CYTL1: variants seen among roughly 807,000 people sequenced by gnomAD.
The protein encoded by CYTL1 is cytokine-like protein 1.
In CYTL1, 17 loss-of-function variants were observed where a neutral mutation model predicts 13.1. The ratio of observed to expected loss-of-function variants is 1.29; its 90% confidence interval spans 0.89 to 1.94. CYTL1 has a LOEUF of 1.94. CYTL1 is among the 30% of genes most tolerant of loss of function. The probability of loss-of-function intolerance (pLI) is 0.00; values close to 1 mark genes in which losing one functional copy is unlikely to be tolerated. For synonymous variants in CYTL1, 91 were observed against 79.4 expected (o/e 1.15, Z -0.78); for missense variants, 213 against 174.8 (o/e 1.22, Z -1.23).
In CYTL1 at chr4:5,014,857, A is replaced by G; in HGVS notation, c.*294T>C. The G allele has an allele frequency of 8.1e-6, 3 of 369,770 alleles. No homozygotes were observed. In the South Asian group the frequency reaches 9.2e-5, roughly 11 times the overall value. 22.9% of individuals were successfully genotyped at this position (369,770 alleles called of 1,614,324 possible). On this transcript the variant is annotated 3_prime_UTR_variant, in exon 4 of 4. Transcript: ENST00000307746. ...AAGTTCTCAAAATAGTTGTTCATAA[A>G]AGTGAAGCTTGTTAGTCCTTTTCTT...
At chr4:5,019,159 C>A (rs919574452) in intron 1 of CYTL1, 134 bp downstream of exon 1, 1 of 801,018 alleles carries the variant, frequency 1.2e-6, no homozygotes, top group African/African-American at 1.8e-5. Context: ...AACACAAATA[C>A]TCCTGAGATT....
chr4:5,018,641 A>G (rs28495769), intron 1 of CYTL1, among the ~76,000 whole-genome samples: 23,570 of 152,226 alleles, frequency 0.15, 1,951 homozygotes, highest in Middle Eastern at 0.23. Flanking sequence ...GAGTCCCCAG[A>G]TCTGCCTCTG....
At chr4:5,017,984 T>C (rs1308863824) in intron 1 of CYTL1, among the ~76,000 whole-genome samples, 1 of 152,218 alleles carries the variant, frequency 6.6e-6, no homozygotes, top group East Asian at 1.9e-4. Flanking sequence ...TTCCACTTTC[T>C]TCCCGCTCTG....
intron 3 of CYTL1, among the ~76,000 whole-genome samples, chr4:5,016,439 C>T (rs768305353): frequency 7.2e-5 from 11 of 152,212 alleles, no homozygotes; most frequent in Admixed American, 3.9e-4. Flanking sequence ...TCACATGCCT[C>T]TACTTTCCAC....
rs1189276982 is a variant in CYTL1, at chr4:5,019,415, G to A, written c.31C>T (p.Leu11=). 3 of 1,485,002 alleles carry A rather than the reference G, an allele frequency of 2.0e-6. No homozygotes were observed. Among genetic ancestry groups the A allele is most frequent in the African/African-American group, 2.9e-5 (2 of 68,006 alleles). 92.0% of individuals were successfully genotyped at this position (1,485,002 alleles called of 1,614,324 possible). Residue 11 remains leucine, a synonymous_variant, in exon 1 of 4, where the codon CTG becomes TTG. Transcript: ENST00000307746. ...GCGGGGGCTCCCGCCAGGAGCAGCA[G>A]CAGCACGGGCAGAGGCCCAGGCGTC... MRTPGPLPVL[L]LLLAGAPAAR... is the part of the protein sequence containing the mutation.
At chr4:5,018,295 T>A (rs1028117017) in intron 1 of CYTL1, among the ~76,000 whole-genome samples, 1 of 152,218 alleles carries the variant, frequency 6.6e-6, no homozygotes, top group African/African-American at 2.4e-5. Flanking sequence ...CGGCAGCAGC[T>A]ACCTCTAGGT....
chr4:5,015,280 C>A, intron 3 of CYTL1, 46 bp from the exon 4 acceptor site: 2 of 1,487,038 alleles, frequency 1.3e-6, no homozygotes, highest in Non-Finnish European at 1.9e-6. Context: ...AAGGTGGTCA[C>A]GGAGTCCATA....
chr4:5,017,231 A>G (rs367939658), intron 1 of CYTL1, 52 bp from the exon 2 acceptor site: 1 of 1,584,630 alleles, frequency 6.3e-7, no homozygotes, highest in Non-Finnish European at 8.6e-7. Context: ...ATACCTGGTC[A>G]CAAAAGTCTC....
chr4:5,018,778 G>A (rs1158440365), intron 1 of CYTL1, among the ~76,000 whole-genome samples: 1 of 152,200 alleles, frequency 6.6e-6, no homozygotes, highest in East Asian at 1.9e-4. Context: ...GGGTGCTACT[G>A]TCATCCCATT....
chr4:5,014,984 G>T lies in CYTL1; in HGVS notation c.*167C>A, dbSNP rs183945972. The stretch of plus-strand genomic sequence containing the variant: ...GTTGCTAACTCTATGCTCAAAGGAG[G>T]TTCCTGGGTAGGAATACCAGCCCTG... On this transcript the variant is annotated 3_prime_UTR_variant, in exon 4 of 4. Transcript: ENST00000307746. The T allele has an allele frequency of 2.6e-3, 1,732 of 663,990 alleles. 1 individual carries two copies. Among genetic ancestry groups the T allele is most frequent in the Non-Finnish European group, 4.0e-3 (1,496 of 372,074 alleles). 41.1% of individuals were successfully genotyped at this position (663,990 alleles called of 1,614,324 possible).
At position 5,015,231 on chromosome 4, in the gene CYTL1, A is replaced by C; in HGVS notation, c.331T>G (p.Leu111Val). The C allele has an allele frequency of 5.6e-6, 9 of 1,612,204 alleles. No individual in the cohort carries two copies. The highest frequency in any genetic ancestry group is 6.8e-6 in the Non-Finnish European group (8 of 1,179,010). ...TTGCAGTCATCCAACAGGAATACCAAATCCTGAAAAAGATGTGCAATGAGC... is the reference window on the plus strand; with the variant it reads ...TTGCAGTCATCCAACAGGAATACCACATCCTGAAAAAGATGTGCAATGAGC... ...TIMNSFCRRDLVFLLDDCNAL... is the reference protein window; with the variant it reads ...TIMNSFCRRDVVFLLDDCNAL... Residue 111 changes from leucine to valine, a missense_variant, in exon 4 of 4, where the codon TTG (leucine) becomes GTG (valine). Transcript: ENST00000307746.
At chr4:5,017,799 T>G (rs1282885420) in intron 1 of CYTL1, among the ~76,000 whole-genome samples, 1 of 152,168 alleles carries the variant, frequency 6.6e-6, no homozygotes, top group Non-Finnish European at 1.5e-5. Context: ...TATAGTAATA[T>G]CGAAGTGCAT....
chr4:5,014,935 T>C lies in CYTL1; in HGVS notation c.*216A>G, dbSNP rs1741035993. The C allele has an allele frequency of 1.8e-6, 1 of 550,488 alleles. No homozygotes were observed. The highest frequency in any genetic ancestry group is 3.2e-6 in the Non-Finnish European group (1 of 308,946). 34.1% of individuals were successfully genotyped at this position (550,488 alleles called of 1,614,324 possible). On this transcript the variant is annotated 3_prime_UTR_variant, in exon 4 of 4. Transcript: ENST00000307746. ...TGTATCTAACCATCCTGGCAAGACA[T>C]GAGTCAAGGGAATGAGAAGCATGGT...
intron 1 of CYTL1, among the ~76,000 whole-genome samples, chr4:5,017,463 T>C (rs1339551851): frequency 6.6e-6 from 1 of 152,176 alleles, no homozygotes; most frequent in African/African-American, 2.4e-5. Context: ...TACACGTATA[T>C]ACATAAAAGC....
chr4:5,018,442 G>A (rs1277895848), intron 1 of CYTL1, among the ~76,000 whole-genome samples: 1 of 152,204 alleles, frequency 6.6e-6, no homozygotes, highest in Non-Finnish European at 1.5e-5. Context: ...GAAGGTGTTA[G>A]CTAGGCTTTT....
chr4:5,016,747 C>G (rs921648090), intron 3 of CYTL1, 89 bp downstream of exon 3: 6 of 1,499,334 alleles, frequency 4.0e-6, no homozygotes, highest in Admixed American at 1.8e-5. Context: ...TTCCTTGTCA[C>G]CATCTCCTCC....
Position 5,017,175 on chromosome 4 carries a change from G to A in CYTL1, c.158C>T (p.Pro53Leu), listed in dbSNP as rs769143638. Residue 53 changes from proline (P) to leucine (L), a missense_variant, in exon 2 of 4, where the codon CCA (proline) becomes CTA (leucine). Transcript: ENST00000307746. Reference sequence around the variant, plus strand: ...CAGCCTGGGCAGGTATCTCACACATGGCTCCTGTGGAAAGGGATAAGGGGT... The same window carrying A: ...CAGCCTGGGCAGGTATCTCACACATAGCTCCTGTGGAAAGGGATAAGGGGT... ...NLLQVSEPSEPCVRYLPRLYL... is the reference protein window; with the variant it reads ...NLLQVSEPSELCVRYLPRLYL... 12 of 1,613,914 alleles carry A rather than the reference G, an allele frequency of 7.4e-6. No homozygotes were observed. Among genetic ancestry groups the A allele is most frequent in the Non-Finnish European group, 1.0e-5 (12 of 1,179,876 alleles).
chr4:5,015,268 T>C lies in CYTL1; in HGVS notation c.328-34A>G, dbSNP rs185753377. On this transcript the variant is annotated intron_variant, in intron 3 of 3. Coordinates refer to ENST00000307746, the MANE Select transcript of CYTL1 (RefSeq NM_018659.3). ...GATGTGCAATGAGCAGGAAAGTTACTGAAGGTGGTCACGGAGTCCATATGC... is the reference window on the plus strand; with the variant it reads ...GATGTGCAATGAGCAGGAAAGTTACCGAAGGTGGTCACGGAGTCCATATGC... 271 of 1,569,566 alleles carry C rather than the reference T, an allele frequency of 1.7e-4. 1 individual carries two copies. The African/African-American group carries it at 3.3e-3, about 19-fold the overall frequency.
chr4:5,019,378 G>C lies in CYTL1; in HGVS notation c.68C>G (p.Thr23Ser), dbSNP rs765546939. Residue 23 changes from threonine to serine, a missense_variant, in exon 1 of 4, where the codon ACT becomes AGT. Transcript: ENST00000307746. ...LLAGAPAARP[T>S]PPTCYSRMRA... ...CATGCGGGAGTAGCAGGTCGGGGGAGTGGGCCGCGCGGCGGGGGCTCCCGC... is the reference window on the plus strand; with the variant it reads ...CATGCGGGAGTAGCAGGTCGGGGGACTGGGCCGCGCGGCGGGGGCTCCCGC... The C allele has an allele frequency of 3.3e-6, 5 of 1,510,372 alleles. No individual in the cohort carries two copies. Among genetic ancestry groups the C allele is most frequent in the Admixed American group, 5.2e-5 (2 of 38,116 alleles). The allele number at this position is 1,510,372 out of a possible 1,614,324, so 93.6% of individuals were successfully genotyped here.
Sources: allele counts gnomAD v4.1 joint callset (sites outside exome capture counted in the v4.1 genomes callset), GRCh38; gene constraint gnomAD v4.1.1; transcripts MANE v1.5; gene names NCBI Gene and HGNC (gene_info 2026-07-23, HGNC 2026-07-21).